The following CRYBG1 variants were observed in gnomAD, a reference collection of about 807,000 sequenced individuals.
The protein encoded by CRYBG1 is crystallin beta-gamma domain containing 1.
Under a neutral mutation model 189.2 loss-of-function variants are expected in CRYBG1, and 139 were observed. The observed-to-expected ratio is 0.73, with a 90% CI of 0.64 to 0.85. The LOEUF is 0.85. Among genes scored for constraint, CRYBG1 ranks in the 40% least tolerant of loss-of-function variants. The pLI is 0.00. For synonymous variants in CRYBG1, 1,023 were observed against 1,017.1 expected (o/e 1.01, Z -0.11); for missense variants, 2,611 against 2,675.8 (o/e 0.98, Z 0.53).
chr6:106,480,444 C>G (rs1374481451), intron 2 of CRYBG1, among the ~76,000 whole-genome samples: 1 of 150,456 alleles, frequency 6.6e-6, no homozygotes. Context: ...GCAGGCAGAT[C>G]ACGACGTCAG....
intron 18 of CRYBG1, among the ~76,000 whole-genome samples, chr6:106,558,978 A>T (rs1015597366): frequency 6.6e-6 from 1 of 152,090 alleles, no homozygotes. Flanking sequence ...AAAAAAAAAA[A>T]ATTGATCAGA....
chr6:106,513,504 C>T (rs17495053), intron 3 of CRYBG1, among the ~76,000 whole-genome samples: 5,039 of 152,272 alleles, frequency 0.033, 113 homozygotes, highest in Non-Finnish European at 0.05. Flanking sequence ...TTTGCAGAAC[C>T]TTTTATGGCA....
intron 2 of CRYBG1, among the ~76,000 whole-genome samples, chr6:106,465,558 T>A (rs1380954733): frequency 6.6e-6 from 1 of 152,160 alleles, no homozygotes; most frequent in Non-Finnish European, 1.5e-5. Flanking sequence ...TCTCTATCTG[T>A]TTTGACAGAT....
chr6:106,434,834 A>G (rs1771425788), intron 1 of CRYBG1, among the ~76,000 whole-genome samples: 1 of 152,218 alleles, frequency 6.6e-6, no homozygotes, highest in African/African-American at 2.4e-5. Context: ...AGAATAATAA[A>G]TCAGAAGATT....
chr6:106,488,804 C>G (rs9400020), intron 2 of CRYBG1, among the ~76,000 whole-genome samples: 1 of 151,988 alleles, frequency 6.6e-6, no homozygotes, highest in African/African-American at 2.4e-5. Context: ...AGCTGGGGTA[C>G]TGGTATTGTA....
chr6:106,372,762 T>C (rs781079897), intron 1 of CRYBG1, among the ~76,000 whole-genome samples: 64 of 152,338 alleles, frequency 4.2e-4, no homozygotes, highest in South Asian at 1.0e-3. Flanking sequence ...ACAAGGGACA[T>C]GAACAATTCC....
intron 1 of CRYBG1, among the ~76,000 whole-genome samples, chr6:106,368,481 G>A (rs1769947424): frequency 6.6e-6 from 1 of 152,142 alleles, no homozygotes; most frequent in African/African-American, 2.4e-5. Flanking sequence ...TCAAGATACA[G>A]GATGTATGAC....
At position 106,569,411 on chromosome 6, in the gene CRYBG1, TG is replaced by T. The variant is rs1774992552; in HGVS notation, c.*849del. 1 of 151,536 alleles carries T rather than the reference TG, an allele frequency of 6.6e-6. No homozygotes were observed. The highest frequency in any genetic ancestry group is 1.5e-5 in the Non-Finnish European group (1 of 67,910). The allele number at this position is 151,536 out of a possible 1,614,324, so 9.4% of individuals were successfully genotyped here. ...AAATTTTGTTTTTTTTTTGTAGAGA[TG>T]GGGTTTCATCACGTTGCCCAGGCTG... On this transcript the variant is annotated 3_prime_UTR_variant, in exon 22 of 22. Coordinates refer to ENST00000633556, the MANE Select transcript of CRYBG1 (RefSeq NM_001371242.2).
chr6:106,532,518 C>A (rs528048582), intron 8 of CRYBG1, among the ~76,000 whole-genome samples: 237 of 152,264 alleles, frequency 1.6e-3, no homozygotes, highest in African/African-American at 5.5e-3. Context: ...ATTTATATTC[C>A]CACCAATAGT....
chr6:106,474,281 C>G (rs1202004865), intron 2 of CRYBG1, among the ~76,000 whole-genome samples: 1 of 152,154 alleles, frequency 6.6e-6, no homozygotes, highest in Non-Finnish European at 1.5e-5. Context: ...GAGTTCGAGG[C>G]TACAGTGAGC....
chr6:106,541,401 C>A, intron 9 of CRYBG1, 185 bp from the exon 10 acceptor site: 1 of 688,930 alleles, frequency 1.5e-6, no homozygotes, highest in Non-Finnish European at 2.7e-6. Flanking sequence ...AGGCTCCGTT[C>A]TAGCCTGCCT....
intron 2 of CRYBG1, among the ~76,000 whole-genome samples, chr6:106,508,644 AGTCT>A (rs1773179633): frequency 6.6e-6 from 1 of 152,222 alleles, no homozygotes; most frequent in Non-Finnish European, 1.5e-5. Context: ...ATGTTTCAGA[AGTCT>A]GTTCCTTTTT....
intron 1 of CRYBG1, among the ~76,000 whole-genome samples, chr6:106,385,163 C>T (rs1448855589): frequency 6.6e-6 from 1 of 152,116 alleles, no homozygotes; most frequent in Non-Finnish European, 1.5e-5. Flanking sequence ...AAACAGCTCT[C>T]ATAACAAAAA....
At chr6:106,458,362 C>T (rs1270753118) in intron 2 of CRYBG1, among the ~76,000 whole-genome samples, 2 of 152,178 alleles carry the variant, frequency 1.3e-5, no homozygotes, top group African/African-American at 4.8e-5. Context: ...GTCTTCTACT[C>T]GTCCTTTAAG....
At chr6:106,446,344 T>G (rs991447391) in intron 1 of CRYBG1, among the ~76,000 whole-genome samples, 1 of 152,230 alleles carries the variant, frequency 6.6e-6, no homozygotes, top group Non-Finnish European at 1.5e-5. Flanking sequence ...GTGGTTCTAG[T>G]ATCTGGTGTC....
At chr6:106,553,677 C>G in intron 16 of CRYBG1, 110 bp downstream of exon 16, 1 of 736,156 alleles carries the variant, frequency 1.4e-6, no homozygotes, top group Non-Finnish European at 2.4e-6. Flanking sequence ...TGCGAAACCA[C>G]CATCTTAGTC....
intron 21 of CRYBG1, among the ~76,000 whole-genome samples, chr6:106,567,165 A>C (rs960773516): frequency 6.6e-6 from 1 of 152,238 alleles, no homozygotes; most frequent in African/African-American, 2.4e-5. Context: ...AAAGTATTTT[A>C]ACATACTATA....
Position 106,568,714 on chromosome 6 carries a change from C to A in CRYBG1, c.*148C>A. On this transcript the variant is annotated 3_prime_UTR_variant, in exon 22 of 22. Transcript: ENST00000633556. ...AACCTTAAATCATGCTGCCATGACT[C>A]AGAGAACTTACTCATCGTTTCAAAA... 1 of 573,584 alleles carries A rather than the reference C, an allele frequency of 1.7e-6. No homozygotes were observed. The highest frequency in any genetic ancestry group is 3.1e-6 in the Non-Finnish European group (1 of 322,186). 35.5% of individuals were successfully genotyped at this position (573,584 alleles called of 1,614,324 possible).
At chr6:106,482,551 G>T (rs563888006) in intron 2 of CRYBG1, among the ~76,000 whole-genome samples, 24 of 152,214 alleles carry the variant, frequency 1.6e-4, no homozygotes, top group African/African-American at 5.5e-4. Context: ...CGAGGGGGGT[G>T]AATCACAAGG....
Sources: allele counts gnomAD v4.1 joint callset (sites outside exome capture counted in the v4.1 genomes callset), GRCh38; gene constraint gnomAD v4.1.1; transcripts MANE v1.5; gene names NCBI Gene and HGNC (gene_info 2026-07-23, HGNC 2026-07-21).